The following SYT16 variants were observed in gnomAD, a reference collection of about 807,000 sequenced individuals.
SYT16 encodes synaptotagmin-16.
A neutral mutation model predicts 61.4 loss-of-function variants in SYT16; 42 were observed. The ratio of observed to expected loss-of-function variants is 0.68; its 90% CI spans 0.53 to 0.89. The LOEUF (loss-of-function observed/expected upper bound fraction) is 0.89, where lower values mean the gene tolerates loss of function less well. SYT16 is among the 40% of genes least tolerant of loss of function. The pLI is 0.00. For synonymous variants in SYT16, 314 were observed against 302.3 expected (o/e 1.04, Z -0.40); for missense variants, 804 against 807.3 (o/e 1.00, Z 0.05).
intron 1 of SYT16, chr14:61,865,208 C>T: frequency 8.9e-7 from 1 of 1,117,340 alleles, no homozygotes; most frequent in Non-Finnish European, 1.4e-6. Context: ...TAAGCGACTT[C>T]TGGATTCTGG....
At chr14:61,870,538 CA>C (rs2047299709) in intron 1 of SYT16, among the ~76,000 whole-genome samples, 2 of 151,788 alleles carry the variant, frequency 1.3e-5, no homozygotes, top group Admixed American at 1.3e-4. Context: ...CTTTTTTGGC[CA>C]ATTGTTTCTT....
chr14:61,939,921 T>C (rs1365586306), intron 1 of SYT16, among the ~76,000 whole-genome samples: 1 of 152,120 alleles, frequency 6.6e-6, no homozygotes, highest in East Asian at 1.9e-4. Flanking sequence ...TTCCTGTCAT[T>C]CTTTTCTAGG....
rs375564154 is a variant in SYT16, at chr14:62,088,023, A to G, written c.1624+3638A>G. 3.3e-5 allele frequency among the ~76,000 whole-genome samples: 5 copies of G among 152,326 alleles called. No individual in the cohort carries two copies. In the East Asian group the frequency reaches 9.6e-4, roughly 29 times the overall value. On this transcript the variant is annotated intron_variant, in intron 7 of 7. Transcript: ENST00000683842. ...GAGAATACATTCTTGGTGTGAGTGT[A>G]AAATGGAACAACCACTTTGGGAAAA...
At chr14:62,018,661 CT>C (rs1459721066) in intron 3 of SYT16, among the ~76,000 whole-genome samples, 1 of 152,152 alleles carries the variant, frequency 6.6e-6, no homozygotes, top group Non-Finnish European at 1.5e-5. Flanking sequence ...GCTGTTTCCC[CT>C]ATCTGGAACA....
At chr14:61,920,560 T>A (rs1297865767) in intron 1 of SYT16, among the ~76,000 whole-genome samples, 1 of 152,142 alleles carries the variant, frequency 6.6e-6, no homozygotes, top group African/African-American at 2.4e-5. Context: ...CAAATTTATA[T>A]CTCTAGGTCC....
intron 5 of SYT16, among the ~76,000 whole-genome samples, chr14:62,079,058 A>C (rs1298438517): frequency 6.6e-6 from 1 of 152,236 alleles, no homozygotes; most frequent in Non-Finnish European, 1.5e-5. Context: ...AATGCAATAC[A>C]GAGATGATCA....
At chr14:61,833,686 G>C (rs2046017807) in intron 1 of SYT16, among the ~76,000 whole-genome samples, 1 of 131,668 alleles carries the variant, frequency 7.6e-6, no homozygotes, top group Non-Finnish European at 1.5e-5. Context: ...ACAGACATTA[G>C]CCACTGCGCC....
intron 1 of SYT16, among the ~76,000 whole-genome samples, chr14:61,874,313 G>C (rs1216832860): frequency 6.6e-6 from 1 of 152,176 alleles, no homozygotes; most frequent in East Asian, 1.9e-4. Context: ...CTCACATGTG[G>C]ATGTTTTCCT....
At chr14:61,844,049 C>T (rs978182134) in intron 1 of SYT16, among the ~76,000 whole-genome samples, 33 of 152,120 alleles carry the variant, frequency 2.2e-4, no homozygotes, top group African/African-American at 7.9e-4. Flanking sequence ...AAATATCTTT[C>T]CATTTTTTGG....
chr14:62,095,442 A>G (rs1420597989), intron 7 of SYT16, among the ~76,000 whole-genome samples: 1 of 152,046 alleles, frequency 6.6e-6, no homozygotes, highest in Non-Finnish European at 1.5e-5. Context: ...CAGTTGTGTT[A>G]TAATACATCA....
intron 3 of SYT16, among the ~76,000 whole-genome samples, chr14:62,036,759 G>T (rs544649892): frequency 6.6e-6 from 1 of 152,054 alleles, no homozygotes; most frequent in Non-Finnish European, 1.5e-5. Flanking sequence ...GGAAAAACCC[G>T]CCCTCATGAT....
At chr14:61,883,589 C>T (rs2047780137) in intron 1 of SYT16, among the ~76,000 whole-genome samples, 2 of 152,204 alleles carry the variant, frequency 1.3e-5, no homozygotes, top group Admixed American at 6.5e-5. Flanking sequence ...GTTCCAAACT[C>T]TCCTACATTT....
At position 62,101,666 on chromosome 14, in the gene SYT16, T is replaced by C. The variant is rs2057421873; in HGVS notation, c.*959T>C. ...TTTCCATCACTAGAGCATAGTAAAT[T>C]GTACACAGTGAGTCCTTAATAAATA... On this transcript the variant is annotated 3_prime_UTR_variant, in exon 8 of 8. Coordinates refer to ENST00000683842, the MANE Select transcript of SYT16 (RefSeq NM_001367656.1). 1 of 152,212 alleles carries C rather than the reference T, an allele frequency of 6.6e-6. No homozygotes were observed. The highest frequency in any genetic ancestry group is 6.5e-5 in the Admixed American group (1 of 15,286). 9.4% of individuals were successfully genotyped at this position (152,212 alleles called of 1,614,324 possible). A position where few individuals can be genotyped will look rare whatever the true frequency, so the allele number is the denominator to read the frequency against.
chr14:62,088,955 CTT>C (rs11318289), intron 7 of SYT16, among the ~76,000 whole-genome samples: 39 of 144,062 alleles, frequency 2.7e-4, no homozygotes, highest in African/African-American at 3.8e-4. Flanking sequence ...GTTGGCAATA[CTT>C]TTTTTTTTTT....
At chr14:61,888,222 A>C (rs1314581228) in intron 1 of SYT16, among the ~76,000 whole-genome samples, 1 of 149,724 alleles carries the variant, frequency 6.7e-6, no homozygotes, top group Admixed American at 6.7e-5. Context: ...CGTTCTAACG[A>C]TTCTCCTGCC....
At chr14:61,813,112 C>A (rs1288827247) in intron 1 of SYT16, among the ~76,000 whole-genome samples, 1 of 152,264 alleles carries the variant, frequency 6.6e-6, no homozygotes, top group Admixed American at 6.5e-5. Flanking sequence ...AGGCCCAGAG[C>A]CAGCCTTCAG....
At chr14:62,083,288 C>T (rs2056771405) in intron 6 of SYT16, among the ~76,000 whole-genome samples, 1 of 152,154 alleles carries the variant, frequency 6.6e-6, no homozygotes, top group South Asian at 2.1e-4. Context: ...TGATTTCAAA[C>T]ATTGAGAAGA....
Position 61,817,029 on chromosome 14 carries a change from A to AG in SYT16, c.-325+4219_-325+4220insG, listed in dbSNP as rs1491575403. 2.8e-5 allele frequency among the ~76,000 whole-genome samples: 4 copies of AG among 143,964 alleles called. 1 individual carries two copies. Among genetic ancestry groups the AG allele is most frequent in the African/African-American group, 1.1e-4 (4 of 37,934 alleles). The allele number at this position is 143,964 out of a possible 152,430, so 94.4% of individuals were successfully genotyped here. On this transcript the variant is annotated intron_variant, in intron 1 of 7. Coordinates refer to ENST00000683842, the MANE Select transcript of SYT16 (RefSeq NM_001367656.1). ...CCGTCACACACACACACACACACAC[A>AG]AAAAAAGCATTTTCCCCAAAGATTA...
In SYT16 at chr14:61,881,724, G is replaced by A. The variant is rs539695626; in HGVS notation, c.-325+68914G>A. The stretch of plus-strand genomic sequence containing the variant: ...AAATATTTGTTGCCTGGGCTTTAGG[G>A]GTGACAGTATATATCCAGTCACTTT... On this transcript the variant is annotated intron_variant, in intron 1 of 7. Coordinates refer to ENST00000683842, the MANE Select transcript of SYT16 (RefSeq NM_001367656.1). Among the ~76,000 whole-genome samples the A allele has an allele frequency of 5.9e-5, 9 of 152,162 alleles. No individual in the cohort carries two copies. In the South Asian group the frequency reaches 1.7e-3, roughly 28 times the overall value.
Sources: gnomAD v4.1 joint callset for allele counts (sites outside exome capture counted in the v4.1 genomes callset) on GRCh38, gnomAD v4.1.1 for gene constraint, MANE v1.5 for transcripts, NCBI Gene and HGNC (gene_info 2026-07-23, HGNC 2026-07-21) for gene names.